CCDC141: variants seen among roughly 807,000 people sequenced by gnomAD.
CCDC141 encodes coiled-coil domain-containing protein 141.
In CCDC141, 168 loss-of-function variants were observed where a neutral mutation model predicts 181.0. That is an observed-to-expected ratio of 0.93 (90% CI 0.82 to 1.05). The LOEUF is 1.05. Ranked by LOEUF, CCDC141 falls within the 50% of genes least tolerant of loss-of-function variation. The pLI, the probability that CCDC141 is intolerant of heterozygous loss-of-function variation, is 0.00. For synonymous variants in CCDC141, 666 were observed against 642.3 expected, an observed-to-expected ratio of 1.04 and a Z score of -0.56; for missense variants, 1,902 against 1,788.5, an observed-to-expected ratio of 1.06 and a Z score of -1.14.
rs1313433628 is a variant in CCDC141, at chr2:178,981,636, G to GTGTGTATATATATA, written c.226-2962_226-2961insTATATATATACACA. ...TTTGTAGCATTGAATGTGTGTGTGTGTATATATATATATATATATATACAT... is the reference window on the plus strand; with the variant it reads ...TTTGTAGCATTGAATGTGTGTGTGTGTGTGTATATATATATATATATATATATATATATATACAT... On this transcript the variant is annotated intron_variant, in intron 2 of 23. Coordinates refer to ENST00000443758, the MANE Select transcript of CCDC141 (RefSeq NM_173648.4). Among the ~76,000 whole-genome samples, 128 of 62,388 alleles carry GTGTGTATATATATA rather than the reference G, an allele frequency of 2.1e-3. 1 individual carries two copies. In the South Asian group the frequency reaches 0.024, roughly 12 times the overall value. The allele number at this position is 62,388 out of a possible 152,430, so 40.9% of individuals were successfully genotyped here. A position where few individuals can be genotyped will look rare whatever the true frequency, so the allele number is the denominator to read the frequency against.
intron 11 of CCDC141, among the ~76,000 whole-genome samples, chr2:178,881,915 T>TCTCTCACACACA (rs1465946696): frequency 1.1e-5 from 1 of 92,286 alleles, no homozygotes; most frequent in African/African-American, 3.9e-5. Context: ...TCTCTCTCTC[T>TCTCTCACACACA]CACACACACA....
intron 2 of CCDC141, among the ~76,000 whole-genome samples, chr2:179,009,820 A>G (rs573787716): frequency 6.6e-6 from 1 of 152,272 alleles, no homozygotes; most frequent in South Asian, 2.1e-4. Flanking sequence ...TACCTGAAAA[A>G]GAATTCAGGA....
At chr2:178,854,390 G>A (rs762257065) in intron 19 of CCDC141, among the ~76,000 whole-genome samples, 1 of 152,190 alleles carries the variant, frequency 6.6e-6, no homozygotes, top group South Asian at 2.1e-4. Context: ...CGGGCGTGGT[G>A]GTGGGCGCCT....
chr2:178,978,606 T>A lies in CCDC141; in HGVS notation c.295A>T (p.Ser99Cys), dbSNP rs1003378577. 4 of 1,549,950 alleles carry A rather than the reference T, an allele frequency of 2.6e-6. No individual in the cohort carries two copies. Among genetic ancestry groups the A allele is most frequent in the Non-Finnish European group, 3.5e-6 (4 of 1,146,696 alleles). ...DKTAEENKDQ[S>C]QVYDAMAETL... ...TCGGCCATGGCATCATAGACCTGAC[T>A]CTGATCCTTGTTCTCTTCAGCTGTC... The change falls in exon 3 of 24, where the codon AGT (serine) becomes TGT (cysteine). Residue 99 changes from serine (S) to cysteine (C), a missense_variant. Coordinates refer to ENST00000443758, the MANE Select transcript of CCDC141 (RefSeq NM_173648.4).
intron 2 of CCDC141, among the ~76,000 whole-genome samples, chr2:179,000,315 C>A (rs899394185): frequency 6.6e-6 from 1 of 152,088 alleles, no homozygotes; most frequent in Admixed American, 6.6e-5. Context: ...TGGAACACAA[C>A]TATGTCTACT....
chr2:179,020,862 T>C (rs2042673620), intron 2 of CCDC141, among the ~76,000 whole-genome samples: 1 of 152,196 alleles, frequency 6.6e-6, no homozygotes, highest in South Asian at 2.1e-4. Flanking sequence ...GGCTTCAACA[T>C]TTCCTGATGG....
chr2:178,849,199 C>T (rs1685062704), intron 21 of CCDC141, among the ~76,000 whole-genome samples: 1 of 152,180 alleles, frequency 6.6e-6, no homozygotes, highest in African/African-American at 2.4e-5. Context: ...AACTGCAAGA[C>T]CACCACTAGG....
In CCDC141 at chr2:178,853,620, T is replaced by C; in HGVS notation, c.3065A>G (p.His1022Arg). 6.2e-7 allele frequency: 1 copy of C among 1,611,202 alleles called. No individual in the cohort carries two copies. The highest frequency in any genetic ancestry group is 8.5e-7 in the Non-Finnish European group (1 of 1,178,282). Residue 1022 changes from histidine (H) to arginine (R), a missense_variant, in exon 20 of 24, where the codon CAT (histidine) becomes CGT (arginine). Coordinates refer to ENST00000443758, the MANE Select transcript of CCDC141 (RefSeq NM_173648.4). The part of the protein sequence containing the change: ...EHFQEVIEEC[H>R]FWYEDASATV... ...GGCACTTGCATCTTCGTACCAAAAA[T>C]GACACTAAATTTAAATGGGATAAAG...
At chr2:179,004,356 C>A (rs2042064974) in intron 2 of CCDC141, among the ~76,000 whole-genome samples, 1 of 152,128 alleles carries the variant, frequency 6.6e-6, no homozygotes. Context: ...TCTGCTACTT[C>A]TTCTAATGCT....
At chr2:178,911,379 G>T (rs1688211765) in intron 7 of CCDC141, among the ~76,000 whole-genome samples, 1 of 152,178 alleles carries the variant, frequency 6.6e-6, no homozygotes, top group Non-Finnish European at 1.5e-5. Flanking sequence ...AATGCACAGG[G>T]AAGTTAAGTG....
chr2:178,860,655 T>C (rs1420576821), intron 17 of CCDC141, among the ~76,000 whole-genome samples: 1 of 135,848 alleles, frequency 7.4e-6, no homozygotes, highest in African/African-American at 2.9e-5. Context: ...GGCATCCCAA[T>C]TGTAGAATAT....
rs6718806 is a variant in CCDC141 at position 178,878,300 on chromosome 2, T to A, written c.1720-157A>T. ...ATTTATTTATTTATTTATTTATTTATTTTATTTATTTTAAGAGATAAGGTC... is the reference window on the plus strand; with the variant it reads ...ATTTATTTATTTATTTATTTATTTAATTTATTTATTTTAAGAGATAAGGTC... On this transcript the variant is annotated intron_variant, in intron 11 of 23. Coordinates refer to ENST00000443758, the MANE Select transcript of CCDC141 (RefSeq NM_173648.4). 0.22 allele frequency among the ~76,000 whole-genome samples: 30,868 copies of A among 142,856 alleles called. 3,485 individuals are homozygous for A. Among genetic ancestry groups the A allele is most frequent in the Admixed American group, 0.25 (3,606 of 14,224 alleles). The allele number at this position is 142,856 out of a possible 152,430, so 93.7% of individuals were successfully genotyped here. A position where few individuals can be genotyped will look rare whatever the true frequency, so the allele number is the denominator to read the frequency against.
chr2:178,953,471 C>T (rs1207233466), intron 5 of CCDC141, among the ~76,000 whole-genome samples: 1 of 152,032 alleles, frequency 6.6e-6, no homozygotes, highest in Non-Finnish European at 1.5e-5. Context: ...TCTATCAACC[C>T]CCAAATTCCA....
rs76860661 is a variant in CCDC141, at chr2:178,855,356, C to A, written c.3051G>T (p.Val1017=). ...NLDLTEHFQE[V]IEECHFWYED... ...TGCAAAAAGAGAATACCTCTTCTAT[C>A]ACCTCCTGGAAATGCTCAGTCAGGT... is the stretch of plus-strand genomic sequence containing the variant. Residue 1017 remains valine, a synonymous_variant, in exon 19 of 24, where the codon GTG becomes GTT. Coordinates refer to ENST00000443758, the MANE Select transcript of CCDC141 (RefSeq NM_173648.4). 1 of 1,608,092 alleles carries A rather than the reference C, an allele frequency of 6.2e-7. No individual in the cohort carries two copies. Among genetic ancestry groups the A allele is most frequent in the East Asian group, 2.2e-5 (1 of 44,572 alleles).
chr2:178,994,822 T>G (rs758633985), intron 2 of CCDC141, among the ~76,000 whole-genome samples: 4 of 152,154 alleles, frequency 2.6e-5, no homozygotes, highest in Non-Finnish European at 4.4e-5. Flanking sequence ...CTATCTCAAG[T>G]TCAAAGTTCC....
At chr2:178,901,536 G>T (rs1687691758) in intron 8 of CCDC141, among the ~76,000 whole-genome samples, 1 of 152,102 alleles carries the variant, frequency 6.6e-6, no homozygotes, top group South Asian at 2.1e-4. Flanking sequence ...TGCAGAAAAG[G>T]CCTTTGACAA....
intron 15 of CCDC141, 52 bp downstream of exon 15, chr2:178,869,065 A>T: frequency 7.8e-7 from 1 of 1,285,220 alleles, no homozygotes; most frequent in Non-Finnish European, 1.0e-6. Context: ...ATTCATTTTT[A>T]ATTGCATAGT....
chr2:178,955,401 T>C (rs1690118517), intron 5 of CCDC141, among the ~76,000 whole-genome samples: 1 of 152,190 alleles, frequency 6.6e-6, no homozygotes, highest in African/African-American at 2.4e-5. Flanking sequence ...CTTGTTCATA[T>C]AATTATCAAC....
At chr2:178,904,472 AATG>A (rs1330531938) in intron 8 of CCDC141, among the ~76,000 whole-genome samples, 4 of 152,312 alleles carry the variant, frequency 2.6e-5, no homozygotes, top group Non-Finnish European at 4.4e-5. Flanking sequence ...ACAGAAATAA[AATG>A]ATTTTATCAC....
Sources: gnomAD v4.1 joint callset for allele counts (sites outside exome capture counted in the v4.1 genomes callset) on GRCh38, gnomAD v4.1.1 for gene constraint, MANE v1.5 for transcripts, NCBI Gene and HGNC (gene_info 2026-07-23, HGNC 2026-07-21) for gene names.